The following CASP6 variants were observed in gnomAD, a reference collection of about 807,000 sequenced individuals.
The protein encoded by CASP6 is caspase 6.
CASP6 carries 20 observed loss-of-function variants against 31.8 expected under a neutral mutation model. The ratio of observed to expected loss-of-function variants is 0.63; its 90% confidence interval spans 0.44 to 0.91. The LOEUF (loss-of-function observed/expected upper bound fraction) is 0.91. Among genes scored for constraint, CASP6 ranks in the 40% least tolerant of loss-of-function variants. The pLI is 0.00. For missense variants in CASP6, 328 were observed against 361.1 expected, an observed-to-expected ratio of 0.91 and a Z score of 0.74; for synonymous variants, 130 against 127.8, an observed-to-expected ratio of 1.02 and a Z score of -0.12.
chr4:109,704,121 C>G (rs772620944), upstream of CASP6, among the ~76,000 whole-genome samples: 2 of 152,226 alleles, frequency 1.3e-5, no homozygotes, highest in Non-Finnish European at 2.9e-5. Context: ...TGGGGCCTCC[C>G]TATTCCTGGA....
At chr4:109,704,721 T>G (rs1024215458), upstream of CASP6, among the ~76,000 whole-genome samples, 4 of 152,214 alleles carry the variant, frequency 2.6e-5, no homozygotes, top group Admixed American at 2.6e-4. Context: ...AACAACAATC[T>G]TTTGTTTTTG....
chr4:109,699,403 T>C (rs1401666751), intron 1 of CASP6, among the ~76,000 whole-genome samples: 2 of 151,822 alleles, frequency 1.3e-5, no homozygotes, highest in African/African-American at 4.8e-5. Flanking sequence ...ACCTCACTTC[T>C]CCTCAAAAAA....
At chr4:109,670,670 C>G in the CASP6 span, among the ~76,000 whole-genome samples, 1 of 151,442 alleles carries the variant, frequency 6.6e-6, no homozygotes, top group Non-Finnish European at 1.5e-5. Context: ...GAGCCAAGAT[C>G]ATGTCATTGC....
In CASP6 at chr4:109,701,435, CT is replaced by C. The variant is rs577458377; in HGVS notation, c.40+1920del. On this transcript the variant is annotated intron_variant, in intron 1 of 6. Coordinates refer to ENST00000265164, the MANE Select transcript of CASP6 (RefSeq NM_001226.4). ...AAACCTGATTCTTGACCTCTTTTCA[CT>C]TTTTTTTTTTGAGACAGAGCCTCCC... 8.2e-3 allele frequency among the ~76,000 whole-genome samples: 1,202 copies of C among 146,036 alleles called. 14 individuals carry two copies. Among genetic ancestry groups the C allele is most frequent in the African/African-American group, 0.028 (1,133 of 40,038 alleles).
chr4:109,675,457 T>C, the CASP6 span, among the ~76,000 whole-genome samples: 1 of 152,234 alleles, frequency 6.6e-6, no homozygotes, highest in African/African-American at 2.4e-5. Context: ...TAGTTTCTCA[T>C]AGCTCAAGGC....
At chr4:109,669,386 CT>C in the CASP6 span, among the ~76,000 whole-genome samples, 1 of 151,308 alleles carries the variant, frequency 6.6e-6, no homozygotes, top group Non-Finnish European at 1.5e-5. Flanking sequence ...GGTTTAATTT[CT>C]TTTTTTTTCT....
At chr4:109,708,713 A>G in the CASP6 span, among the ~76,000 whole-genome samples, 1 of 152,252 alleles carries the variant, frequency 6.6e-6, no homozygotes, top group South Asian at 2.1e-4. Context: ...GTATCTTATT[A>G]TCTCAACATT....
chr4:109,670,641 G>A, the CASP6 span, among the ~76,000 whole-genome samples: 10 of 151,950 alleles, frequency 6.6e-5, no homozygotes, highest in South Asian at 2.1e-4. Flanking sequence ...GCTTGAACCC[G>A]GAAGGCGGAA....
At chr4:109,702,108 A>G (rs1442321717) in intron 1 of CASP6, among the ~76,000 whole-genome samples, 2 of 152,192 alleles carry the variant, frequency 1.3e-5, no homozygotes, top group Non-Finnish European at 2.9e-5. Context: ...TGGAGGAAGA[A>G]GAGGAAGGGA....
the CASP6 span, among the ~76,000 whole-genome samples, chr4:109,709,210 G>A: frequency 6.6e-6 from 1 of 152,124 alleles, no homozygotes; most frequent in African/African-American, 2.4e-5. Flanking sequence ...CTGAGAACTT[G>A]TTAGAAATGC....
chr4:109,670,166 T>C, the CASP6 span, among the ~76,000 whole-genome samples: 1 of 152,168 alleles, frequency 6.6e-6, no homozygotes, highest in Admixed American at 6.5e-5. Context: ...AAGTAAGGTA[T>C]GGAGGGGAAG....
At chr4:109,677,316 G>T in the CASP6 span, among the ~76,000 whole-genome samples, 31 of 152,276 alleles carry the variant, frequency 2.0e-4, no homozygotes, top group African/African-American at 7.5e-4. Flanking sequence ...CACAGCTGGA[G>T]GATAATTTGC....
chr4:109,675,940 A>G, the CASP6 span, among the ~76,000 whole-genome samples: 1 of 152,212 alleles, frequency 6.6e-6, no homozygotes, highest in South Asian at 2.1e-4. Context: ...GAGGAAATAA[A>G]ATGTTGTTCT....
chr4:109,685,191 G>T, downstream of CASP6: 1 of 729,964 alleles, frequency 1.4e-6, no homozygotes, highest in Non-Finnish European at 2.4e-6. Context: ...TATCTTTCTT[G>T]CAGAGGCATT....
chr4:109,672,050 A>G, the CASP6 span, among the ~76,000 whole-genome samples: 1 of 151,914 alleles, frequency 6.6e-6, no homozygotes, highest in Non-Finnish European at 1.5e-5. Context: ...TATTGAGGAG[A>G]GGAATCATTC....
the CASP6 span, among the ~76,000 whole-genome samples, chr4:109,664,698 A>G: frequency 6.6e-5 from 10 of 152,156 alleles, no homozygotes; most frequent in Admixed American, 6.5e-4. Flanking sequence ...GTTTATGTTA[A>G]GAATCTTAAA....
chr4:109,697,602 TA>T lies in CASP6; in HGVS notation c.230+19del. The stretch of plus-strand genomic sequence containing the variant: ...TTATCACTTAACTGCCTCATCTTGA[TA>T]GGTAGATAAAACTACTACCTGCGGG... On this transcript the variant is annotated intron_variant, in intron 3 of 6. Coordinates refer to ENST00000265164, the MANE Select transcript of CASP6 (RefSeq NM_001226.4). The T allele has an allele frequency of 9.4e-6, 15 of 1,594,644 alleles. No individual in the cohort carries two copies. The highest frequency in any genetic ancestry group is 1.3e-5 in the Non-Finnish European group (15 of 1,171,954).
the CASP6 span, among the ~76,000 whole-genome samples, chr4:109,664,679 G>T: frequency 6.6e-6 from 1 of 152,080 alleles, no homozygotes; most frequent in East Asian, 1.9e-4. Context: ...GGTTTCCAGA[G>T]GGAGCAAAGT....
chr4:109,681,531 C>T, the CASP6 span: 4 of 433,098 alleles, frequency 9.2e-6, no homozygotes, highest in African/African-American at 2.0e-5. Context: ...ACCTGGGGTT[C>T]TTGGCCTCAC....
Sources: allele counts gnomAD v4.1 joint callset (sites outside exome capture counted in the v4.1 genomes callset), GRCh38; gene constraint gnomAD v4.1.1; transcripts MANE v1.5; gene names NCBI Gene and HGNC (gene_info 2026-07-23, HGNC 2026-07-21).